AFG2A: variants seen among roughly 807,000 people sequenced by gnomAD.
AFG2A encodes the protein AAA ATPase AFG2A, also known as ATPase family gene 2 protein homolog A.
the AFG2A span, among the ~76,000 whole-genome samples, chr4:123,002,946 C>G: frequency 5.3e-5 from 8 of 152,182 alleles, no homozygotes. Context: ...GTACACCAAT[C>G]AGATGCAGAT....
At chr4:123,289,126 C>T in the AFG2A span, among the ~76,000 whole-genome samples, 1 of 152,116 alleles carries the variant, frequency 6.6e-6, no homozygotes, top group Non-Finnish European at 1.5e-5. Flanking sequence ...AAATAGTATA[C>T]ATTGTACCCA....
the AFG2A span, among the ~76,000 whole-genome samples, chr4:123,260,283 C>G: frequency 1.3e-5 from 2 of 152,162 alleles, no homozygotes; most frequent in Admixed American, 6.5e-5. Context: ...TTTCAAAAAG[C>G]TTTAACTTCA....
chr4:123,312,800 T>C, the AFG2A span, among the ~76,000 whole-genome samples: 1 of 152,184 alleles, frequency 6.6e-6, no homozygotes, highest in Admixed American at 6.5e-5. Context: ...GCCATCTAAA[T>C]CTATGCATGT....
At chr4:123,230,037 G>A in the AFG2A span, among the ~76,000 whole-genome samples, 1 of 151,906 alleles carries the variant, frequency 6.6e-6, no homozygotes, top group Non-Finnish European at 1.5e-5. Flanking sequence ...GCAAATCATA[G>A]TCTTTGCTGG....
At chr4:123,125,685 C>T in the AFG2A span, among the ~76,000 whole-genome samples, 1 of 152,126 alleles carries the variant, frequency 6.6e-6, no homozygotes, top group African/African-American at 2.4e-5. Context: ...GACACTTTTC[C>T]CTTCTGCTGA....
the AFG2A span, among the ~76,000 whole-genome samples, chr4:122,937,282 C>G: frequency 1.3e-5 from 2 of 152,162 alleles, no homozygotes; most frequent in Non-Finnish European, 2.9e-5. Flanking sequence ...ATTCCCTGAG[C>G]TCAAGTGATC....
At chr4:123,237,672 C>CAAAAAAAAAAAAAAAAAAA in the AFG2A span, among the ~76,000 whole-genome samples, 1 of 66,652 alleles carries the variant, frequency 1.5e-5, no homozygotes, top group Non-Finnish European at 2.8e-5. Flanking sequence ...AACCTTGTCT[C>CAAAAAAAAAAAAAAAAAAA]AAAAAAAAAA....
the AFG2A span, among the ~76,000 whole-genome samples, chr4:123,137,651 C>G: frequency 6.6e-6 from 1 of 152,074 alleles, no homozygotes; most frequent in African/African-American, 2.4e-5. Context: ...CAGTCTTAAT[C>G]AGGTTTCTTA....
the AFG2A span, among the ~76,000 whole-genome samples, chr4:123,039,774 A>G: frequency 6.6e-6 from 1 of 151,902 alleles, no homozygotes; most frequent in Non-Finnish European, 1.5e-5. Context: ...AATGATCTTA[A>G]TCAGTGGGAA....
At chr4:122,964,826 A>T in the AFG2A span, among the ~76,000 whole-genome samples, 1 of 152,168 alleles carries the variant, frequency 6.6e-6, no homozygotes, top group Non-Finnish European at 1.5e-5. Context: ...ACCTTTAAGG[A>T]TATTCTATTT....
the AFG2A span, among the ~76,000 whole-genome samples, chr4:123,220,059 CGG>C: frequency 6.6e-6 from 1 of 151,794 alleles, no homozygotes; most frequent in Non-Finnish European, 1.5e-5. Context: ...TTAGTAGAGA[CGG>C]GGTTTCACCA....
At chr4:123,263,952 C>G in the AFG2A span, among the ~76,000 whole-genome samples, 1 of 152,110 alleles carries the variant, frequency 6.6e-6, no homozygotes, top group Non-Finnish European at 1.5e-5. Flanking sequence ...AAATATGGAA[C>G]CAGCCCAAAT....
At chr4:123,097,538 A>G in the AFG2A span, among the ~76,000 whole-genome samples, 1 of 152,106 alleles carries the variant, frequency 6.6e-6, no homozygotes, top group East Asian at 1.9e-4. Flanking sequence ...AGCGTCCTGT[A>G]CGGTTGTTTT....
the AFG2A span, among the ~76,000 whole-genome samples, chr4:122,948,512 C>G: frequency 4.4e-4 from 67 of 151,414 alleles, no homozygotes; most frequent in Non-Finnish European, 7.8e-4. Context: ...CTGTGGAAAT[C>G]AGGGAGAAGT....
At chr4:123,081,543 A>C in the AFG2A span, among the ~76,000 whole-genome samples, 1 of 152,202 alleles carries the variant, frequency 6.6e-6, no homozygotes, top group Admixed American at 6.5e-5. Flanking sequence ...ACTGAAGGAC[A>C]TCTTGGTTGC....
the AFG2A span, among the ~76,000 whole-genome samples, chr4:123,202,660 C>T: frequency 1.1e-4 from 17 of 152,144 alleles, no homozygotes; most frequent in Non-Finnish European, 2.4e-4. Flanking sequence ...TACCTGCACT[C>T]TCATGTTTTT....
chr4:122,997,792 T>C, the AFG2A span, among the ~76,000 whole-genome samples: 4 of 152,190 alleles, frequency 2.6e-5, no homozygotes, highest in Admixed American at 6.6e-5. Flanking sequence ...TTTCCACTTC[T>C]TTGCTAACAC....
chr4:122,946,004 C>G, the AFG2A span, among the ~76,000 whole-genome samples: 1 of 151,956 alleles, frequency 6.6e-6, no homozygotes, highest in Non-Finnish European at 1.5e-5. Flanking sequence ...CAGGTTGATT[C>G]TCAGGTTATA....
chr4:123,028,190 C>A, the AFG2A span: 1 of 1,612,620 alleles, frequency 6.2e-7, no homozygotes, highest in Non-Finnish European at 8.5e-7. Flanking sequence ...TTTCAGGTAT[C>A]CTGGTCAGAT....
Sources: allele counts gnomAD v4.1 joint callset (sites outside exome capture counted in the v4.1 genomes callset), GRCh38; gene constraint gnomAD v4.1.1; transcripts MANE v1.5; gene names NCBI Gene and HGNC (gene_info 2026-07-23, HGNC 2026-07-21).